The following ADGRD1 variants were observed in gnomAD, a reference collection of about 807,000 sequenced individuals.
ADGRD1 encodes adhesion G protein-coupled receptor D1.
A neutral mutation model predicts 113.4 loss-of-function variants in ADGRD1; 77 were observed. That is an observed-to-expected ratio of 0.68 (90% CI 0.57 to 0.82). The LOEUF (loss-of-function observed/expected upper bound fraction) is 0.82. ADGRD1 is among the 40% of genes least tolerant of loss of function. The pLI, the probability that ADGRD1 is intolerant of heterozygous loss-of-function variation, is 0.00. For missense variants in ADGRD1, 1,036 were observed against 1,139.1 expected, an observed-to-expected ratio of 0.91 and a Z score of 1.30; for synonymous variants, 474 against 475.0, an observed-to-expected ratio of 1.00 and a Z score of 0.03.
At chr12:131,037,779 A>C (rs1881670978) in intron 13 of ADGRD1, among the ~76,000 whole-genome samples, 1 of 59,738 alleles carries the variant, frequency 1.7e-5, no homozygotes, top group Non-Finnish European at 3.1e-5. Flanking sequence ...ATGGGGCCGC[A>C]CTCACTGCAC....
intron 15 of ADGRD1, among the ~76,000 whole-genome samples, chr12:131,094,691 A>G (rs1887156513): frequency 1.3e-5 from 2 of 152,186 alleles, no homozygotes; most frequent in African/African-American, 4.8e-5. Flanking sequence ...AATTGTCACC[A>G]TCCCTTCTGA....
intron 2 of ADGRD1, among the ~76,000 whole-genome samples, chr12:130,963,329 AAAAAAAAAAAAAAG>A (rs1327503900): frequency 6.6e-6 from 1 of 150,900 alleles, no homozygotes; most frequent in African/African-American, 2.4e-5. Context: ...CAAAAAAAAA[AAAAAAAAAAAAAAG>A]AAAGAAAAAT....
At chr12:131,080,588 G>T (rs1438269332) in intron 14 of ADGRD1, among the ~76,000 whole-genome samples, 1 of 152,000 alleles carries the variant, frequency 6.6e-6, no homozygotes. Context: ...AATTTTAGTG[G>T]TGGATTTACC....
chr12:131,130,547 C>T (rs891615365), intron 20 of ADGRD1, among the ~76,000 whole-genome samples: 13 of 152,196 alleles, frequency 8.5e-5, no homozygotes, highest in Admixed American at 3.9e-4. Context: ...TTCATGGGCT[C>T]GGGAGCTGCG....
intron 5 of ADGRD1, 51 bp from the exon 6 acceptor site, chr12:130,987,044 G>T: frequency 6.4e-7 from 1 of 1,554,050 alleles, no homozygotes. Flanking sequence ...ACCTGTGCAT[G>T]GGGAGCTCAT....
chr12:131,003,076 C>A lies in ADGRD1; in HGVS notation c.1027-109C>A. 1 of 875,280 alleles carries A rather than the reference C, an allele frequency of 1.1e-6. No homozygotes were observed. The highest frequency in any genetic ancestry group is 1.9e-6 in the Non-Finnish European group (1 of 523,850). The allele number at this position is 875,280 out of a possible 1,614,324, so 54.2% of individuals were successfully genotyped here. A position where few individuals can be genotyped will look rare whatever the true frequency, so the allele number is the denominator to read the frequency against. ...GGGGCAGTTGTGTGACTTCTTCCTCCCTCGTGGCCAACGTGGGGAAACTTG... is the reference window on the plus strand; with the variant it reads ...GGGGCAGTTGTGTGACTTCTTCCTCACTCGTGGCCAACGTGGGGAAACTTG... On this transcript the variant is annotated intron_variant, in intron 9 of 24. Transcript: ENST00000261654. This position sits in a 1 kb window ranked among gnomAD's most constrained non-coding sequence, Gnocchi z 4.8.
At chr12:131,093,014 C>A (rs372540691) in intron 15 of ADGRD1, among the ~76,000 whole-genome samples, 1 of 152,000 alleles carries the variant, frequency 6.6e-6, no homozygotes, top group Admixed American at 6.6e-5. Context: ...CAGGGCCCCC[C>A]GGTCCCCATG....
At chr12:131,008,785 T>C (rs1877506855) in intron 12 of ADGRD1, among the ~76,000 whole-genome samples, 1 of 152,196 alleles carries the variant, frequency 6.6e-6, no homozygotes, top group Non-Finnish European at 1.5e-5. Context: ...GAGACTGGCC[T>C]GCTCCCAGTC....
intron 13 of ADGRD1, among the ~76,000 whole-genome samples, chr12:131,074,959 G>A (rs1885468394): frequency 6.6e-6 from 1 of 152,174 alleles, no homozygotes; most frequent in Admixed American, 6.5e-5. Context: ...AGGACTTCCA[G>A]AGGCCACAGC....
chr12:131,056,101 C>T (rs1301293075), intron 13 of ADGRD1, among the ~76,000 whole-genome samples: 1 of 152,156 alleles, frequency 6.6e-6, no homozygotes, highest in Non-Finnish European at 1.5e-5. Context: ...AAATCTTCTA[C>T]CCTGAAGGAA....
chr12:131,138,323 G>A, intron 24 of ADGRD1, 94 bp downstream of exon 24: 3 of 1,003,746 alleles, frequency 3.0e-6, no homozygotes, highest in Non-Finnish European at 4.6e-6. Flanking sequence ...AGCAGAGGTG[G>A]CTTCGGGTGC....
intron 4 of ADGRD1, among the ~76,000 whole-genome samples, chr12:130,974,617 G>A (rs1402580049): frequency 6.6e-6 from 1 of 152,172 alleles, no homozygotes; most frequent in African/African-American, 2.4e-5. Context: ...CTTAAATAGA[G>A]AAATGCTCTC....
chr12:131,079,659 C>T (rs986114624), intron 14 of ADGRD1, among the ~76,000 whole-genome samples: 1 of 152,164 alleles, frequency 6.6e-6, no homozygotes, highest in African/African-American at 2.4e-5. Context: ...TTTATGGATG[C>T]AGGACTATGT....
Position 130,966,773 on chromosome 12 carries a change from C to T in ADGRD1, c.187+227C>T, listed in dbSNP as rs775467148. 15 of 528,942 alleles carry T rather than the reference C, an allele frequency of 2.8e-5. No individual in the cohort carries two copies. Among genetic ancestry groups the T allele is most frequent in the South Asian group, 8.6e-5 (4 of 46,768 alleles). The allele number at this position is 528,942 out of a possible 1,614,324, so 32.8% of individuals were successfully genotyped here. ...ATGAACAAATACTTGTGTAACTTCC[C>T]GTAATAGTTATTTCAAAGCTTTTTT... On this transcript the variant is annotated intron_variant, in intron 3 of 24. Transcript: ENST00000261654. This position sits in a 1 kb window ranked among gnomAD's most constrained non-coding sequence, Gnocchi z 4.6.
chr12:131,004,179 A>T lies in ADGRD1; in HGVS notation c.1145-7A>T. On this transcript the variant is annotated splice_region_variant and splice_polypyrimidine_tract_variant and intron_variant, in intron 10 of 24. Transcript: ENST00000261654. Reference sequence around the variant, plus strand: ...GGACTTCCGCTCTCTCGCTCCTTCCACCGCAGAGTTTTCCGTGGCCAAAAT... The same window carrying T: ...GGACTTCCGCTCTCTCGCTCCTTCCTCCGCAGAGTTTTCCGTGGCCAAAAT... 1 of 1,589,086 alleles carries T rather than the reference A, an allele frequency of 6.3e-7. No homozygotes were observed. Among genetic ancestry groups the T allele is most frequent in the Non-Finnish European group, 8.6e-7 (1 of 1,157,746 alleles).
chr12:130,964,779 G>A (rs577438476), intron 2 of ADGRD1, among the ~76,000 whole-genome samples: 68 of 152,244 alleles, frequency 4.5e-4, no homozygotes, highest in African/African-American at 1.2e-3. Context: ...TTTTTCTCCC[G>A]CTGAACTGTC....
intron 12 of ADGRD1, among the ~76,000 whole-genome samples, chr12:131,006,910 G>A (rs1243475395): frequency 3.9e-5 from 6 of 152,200 alleles, no homozygotes; most frequent in African/African-American, 4.8e-5. Flanking sequence ...AAAGAAAAAT[G>A]CAATCTATTT....
intron 15 of ADGRD1, among the ~76,000 whole-genome samples, chr12:131,091,563 A>G (rs1886909730): frequency 6.6e-6 from 1 of 152,242 alleles, no homozygotes; most frequent in Non-Finnish European, 1.5e-5. Context: ...AGTGATACAT[A>G]TCCCATTTTT....
intron 13 of ADGRD1, among the ~76,000 whole-genome samples, chr12:131,044,379 C>T (rs958527782): frequency 5.9e-5 from 9 of 152,178 alleles, no homozygotes; most frequent in Non-Finnish European, 8.8e-5. Flanking sequence ...AACCCGTCCA[C>T]CCACGAGTTC....
Sources: gnomAD v4.1 joint callset for allele counts (sites outside exome capture counted in the v4.1 genomes callset) on GRCh38, gnomAD v4.1.1 for gene constraint, Gnocchi (gnomAD v3.1) non-coding constraint, MANE v1.5 for transcripts, NCBI Gene and HGNC (gene_info 2026-07-23, HGNC 2026-07-21) for gene names.